ERCC8: variants seen among roughly 807,000 people sequenced by gnomAD.
ERCC8 encodes ERCC excision repair 8, CSA ubiquitin ligase complex subunit.
In ERCC8, 52 loss-of-function variants were observed where a neutral mutation model predicts 54.9. That is an observed-to-expected ratio of 0.95 (90% CI 0.76 to 1.19). The LOEUF is 1.19. ERCC8 is among the 50% of genes most tolerant of loss of function. ERCC8 has a pLI of 0.00. For missense variants in ERCC8, 514 were observed against 466.1 expected (o/e 1.10, Z -0.95); for synonymous variants, 146 against 157.2 (o/e 0.93, Z 0.53).
At chr5:60,911,515 C>G (rs1749262484) in intron 4 of ERCC8, among the ~76,000 whole-genome samples, 1 of 151,728 alleles carries the variant, frequency 6.6e-6, no homozygotes. Context: ...GGGTAGATTG[C>G]AAAAATTTTC....
chr5:60,898,145 A>C, intron 9 of ERCC8, 131 bp downstream of exon 9: 1 of 1,024,686 alleles, frequency 9.8e-7, no homozygotes, highest in Admixed American at 2.2e-5. Context: ...TAGTCCACAT[A>C]GTAGAAACAC....
chr5:60,915,882 C>T (rs1395778650), intron 4 of ERCC8, among the ~76,000 whole-genome samples: 1 of 151,952 alleles, frequency 6.6e-6, no homozygotes, highest in Non-Finnish European at 1.5e-5. Context: ...GAGATTAGTA[C>T]ATAGACATCT....
chr5:60,875,933 C>A (rs1268387139), intron 11 of ERCC8, among the ~76,000 whole-genome samples: 1 of 151,856 alleles, frequency 6.6e-6, no homozygotes, highest in Non-Finnish European at 1.5e-5. Flanking sequence ...TACATGTGCA[C>A]AACGTGCAGG....
chr5:60,891,662 CT>C (rs35789098), intron 9 of ERCC8, among the ~76,000 whole-genome samples: 10,510 of 143,516 alleles, frequency 0.073, 1,024 homozygotes, highest in African/African-American at 0.23. Context: ...GGGGCATATT[CT>C]TTTTTTTTTT....
intron 3 of ERCC8, among the ~76,000 whole-genome samples, chr5:60,921,578 A>C (rs1350871764): frequency 6.6e-6 from 1 of 151,894 alleles, no homozygotes; most frequent in Non-Finnish European, 1.5e-5. Context: ...GTAGAGAGAC[A>C]AGACAGGGGT....
Position 60,872,709 on chromosome 5 carries a change from T to C in ERCC8, c.*1906A>G, listed in dbSNP as rs1232758060. 6.6e-6 allele frequency among the ~76,000 whole-genome samples: 1 copy of C among 152,210 alleles called. No homozygotes were observed. The highest frequency in any genetic ancestry group is 6.5e-5 in the Admixed American group (1 of 15,282). On this transcript the variant is annotated 3_prime_UTR_variant, in exon 12 of 12. Coordinates refer to ENST00000676185, the MANE Select transcript of ERCC8 (RefSeq NM_000082.4). ...AAGAAAAAGGAATTCTTGCATATTC[T>C]TGGTAGGAATGTAAATTAGTACAGC... is the stretch of plus-strand genomic sequence containing the variant.
chr5:60,927,895 T>C (rs548652488), intron 2 of ERCC8, among the ~76,000 whole-genome samples: 19 of 152,318 alleles, frequency 1.2e-4, no homozygotes, highest in African/African-American at 3.8e-4. Context: ...AAGCTGGAAG[T>C]AAAAAGTGGA....
chr5:60,878,966 G>A (rs902645658), intron 11 of ERCC8, among the ~76,000 whole-genome samples: 3 of 152,060 alleles, frequency 2.0e-5, no homozygotes, highest in African/African-American at 7.3e-5. Flanking sequence ...ATGTTAGGGT[G>A]TCCATTTTAG....
intron 4 of ERCC8, among the ~76,000 whole-genome samples, chr5:60,915,884 T>C (rs1749418336): frequency 6.6e-6 from 1 of 152,004 alleles, no homozygotes; most frequent in Admixed American, 6.6e-5. Context: ...GATTAGTACA[T>C]AGACATCTGG....
chr5:60,867,198 T>C lies in ERCC8; in HGVS notation c.*7417A>G, dbSNP rs1002331588. 1.3e-5 allele frequency among the ~76,000 whole-genome samples: 2 copies of C among 152,182 alleles called. No homozygotes were observed. The highest frequency in any genetic ancestry group is 2.9e-5 in the Non-Finnish European group (2 of 68,032). ...AAAATATCCAAATGTATATGTTTCC[T>C]TGGTAGTGACCTAAGACAGACTCAG... On this transcript the variant is annotated 3_prime_UTR_variant, in exon 12 of 12. Transcript: ENST00000676185.
intron 4 of ERCC8, among the ~76,000 whole-genome samples, chr5:60,916,279 A>G (rs1226166284): frequency 6.6e-6 from 1 of 152,034 alleles, no homozygotes; most frequent in African/African-American, 2.4e-5. Flanking sequence ...AATTGACTAA[A>G]GTCCCACTCA....
chr5:60,887,367 C>T, intron 11 of ERCC8, 73 bp downstream of exon 11: 1 of 1,279,458 alleles, frequency 7.8e-7, no homozygotes. Context: ...AAAAGTCTCT[C>T]TCACATAAAG....
rs143039108 is a variant in ERCC8, at chr5:60,878,773, C to G, written c.1123-4090G>C. Among the ~76,000 whole-genome samples the G allele has an allele frequency of 6.7e-3, 1,015 of 151,860 alleles. 8 individuals are homozygous for G. Among genetic ancestry groups the G allele is most frequent in the Middle Eastern group, 0.014 (4 of 294 alleles). ...TTCTGCTCTCTTTTCTTCTTTATTA[C>G]TCTTGCTAGTGGTCTATCAATTTTG... On this transcript the variant is annotated intron_variant, in intron 11 of 11. Transcript: ENST00000676185.
chr5:60,886,182 T>C (rs570099235), intron 11 of ERCC8, among the ~76,000 whole-genome samples: 2 of 152,220 alleles, frequency 1.3e-5, no homozygotes, highest in African/African-American at 2.4e-5. Context: ...AGAAACCACC[T>C]TTAAACAGCC....
At chr5:60,922,204 G>C in intron 2 of ERCC8, 49 bp from the exon 3 acceptor site, 1 of 1,253,900 alleles carries the variant, frequency 8.0e-7, no homozygotes, top group Non-Finnish European at 1.2e-6. Flanking sequence ...TTATTATTTA[G>C]TCCATTTATT....
chr5:60,908,653 G>A lies in ERCC8; in HGVS notation c.400-3780C>T, dbSNP rs1263367196. Among the ~76,000 whole-genome samples the A allele has an allele frequency of 2.0e-5, 3 of 149,996 alleles. No homozygotes were observed. In the Admixed American group the frequency reaches 2.0e-4, roughly 10 times the overall value. On this transcript the variant is annotated intron_variant, in intron 4 of 11. Transcript: ENST00000676185. Reference sequence around the variant, plus strand: ...TCATACACCTTGGAACCCATACGAAGTGTCACTAGTGATGCTGCAAGTGGT... The same window carrying A: ...TCATACACCTTGGAACCCATACGAAATGTCACTAGTGATGCTGCAAGTGGT...
chr5:60,912,786 G>C (rs1749310028), intron 4 of ERCC8, among the ~76,000 whole-genome samples: 1 of 152,074 alleles, frequency 6.6e-6, no homozygotes, highest in South Asian at 2.1e-4. Flanking sequence ...AGTTTATTGA[G>C]AGTTTTTGGC....
chr5:60,881,778 A>C (rs1748238833), intron 11 of ERCC8, among the ~76,000 whole-genome samples: 1 of 152,116 alleles, frequency 6.6e-6, no homozygotes, highest in African/African-American at 2.4e-5. Flanking sequence ...TGTGACTAAG[A>C]AAGGGAATTC....
intron 1 of ERCC8, among the ~76,000 whole-genome samples, chr5:60,943,488 T>C (rs920864532): frequency 6.6e-6 from 1 of 152,120 alleles, no homozygotes; most frequent in African/African-American, 2.4e-5. Context: ...TCTTTCAAAG[T>C]CTATGGGTGA....
Sources: allele counts gnomAD v4.1 joint callset (sites outside exome capture counted in the v4.1 genomes callset), GRCh38; gene constraint gnomAD v4.1.1; transcripts MANE v1.5; gene names NCBI Gene and HGNC (gene_info 2026-07-23, HGNC 2026-07-21).